The following LCA5 variants were observed in gnomAD, a reference collection of about 807,000 sequenced individuals.
LCA5 encodes lebercilin.
In LCA5, 37 loss-of-function variants were observed where a neutral mutation model predicts 53.0. That is an observed-to-expected ratio of 0.70 (90% CI 0.54 to 0.92). The LOEUF is 0.92. Among genes scored for constraint, LCA5 ranks in the 40% least tolerant of loss-of-function variants. The pLI is 0.00. For synonymous variants in LCA5, 303 were observed against 282.9 expected (o/e 1.07, Z -0.71); for missense variants, 806 against 790.5 (o/e 1.02, Z -0.23).
In LCA5 at chr6:79,492,566, C is replaced by T. The variant is rs1391512618; in HGVS notation, c.940G>A (p.Ala314Thr). 2.0e-6 allele frequency: 3 copies of T among 1,527,268 alleles called. No individual in the cohort carries two copies. Among genetic ancestry groups the T allele is most frequent in the South Asian group, 2.3e-5 (2 of 86,028 alleles). 94.6% of individuals were successfully genotyped at this position (1,527,268 alleles called of 1,614,324 possible). A position where few individuals can be genotyped will look rare whatever the true frequency, so the allele number is the denominator to read the frequency against. The change falls in exon 5 of 8, where the codon GCA (alanine) becomes ACA (threonine). Residue 314 changes from alanine (A) to threonine (T), a missense_variant. Transcript: ENST00000369846. ...TTTACCATACCATTTTTTCTTAATG[C>T]AAGTTCTTTCTCTTTATTTGGAGAG... ...KSSPNKEKEL[A>T]LRKNAACQSD...
At chr6:79,517,453 C>T (rs1766471898) in intron 2 of LCA5, among the ~76,000 whole-genome samples, 1 of 151,940 alleles carries the variant, frequency 6.6e-6, no homozygotes, top group Admixed American at 6.6e-5. Flanking sequence ...AAGGTTCAAC[C>T]TTAAGATCTG....
intron 1 of LCA5, among the ~76,000 whole-genome samples, chr6:79,531,460 A>G (rs149994928): frequency 1.1e-3 from 168 of 152,190 alleles, no homozygotes; most frequent in African/African-American, 3.9e-3. Flanking sequence ...CAATTTTCCA[A>G]TAATTTTTTG....
At chr6:79,511,292 G>A (rs1044205235) in intron 3 of LCA5, among the ~76,000 whole-genome samples, 1 of 152,118 alleles carries the variant, frequency 6.6e-6, no homozygotes, top group African/African-American at 2.4e-5. Context: ...CCATACCATG[G>A]AATACTCAGG....
rs190686526 is a variant in LCA5, at chr6:79,522,497, T to C, written c.-191-3412A>G. On this transcript the variant is annotated intron_variant, in intron 1 of 7. Coordinates refer to ENST00000369846, the MANE Select transcript of LCA5 (RefSeq NM_001122769.3). ...AAGCAATCAGAAAAAATCCAGACTG[T>C]AGCAAACTCTACAGGAAAAACTAGA... 2.5e-3 allele frequency among the ~76,000 whole-genome samples: 385 copies of C among 152,030 alleles called. 4 individuals are homozygous for C. Among genetic ancestry groups the C allele is most frequent in the Non-Finnish European group, 1.7e-3 (118 of 67,992 alleles).
intron 3 of LCA5, 125 bp downstream of exon 3, chr6:79,513,087 G>C (rs11757993): frequency 0.17 from 157,624 of 920,028 alleles, 14,315 homozygotes; most frequent in East Asian, 0.22. Context: ...TCCCAAAACA[G>C]TACTAAAAAT....
At chr6:79,538,758 C>T (rs1054076814), upstream of LCA5, among the ~76,000 whole-genome samples, 4 of 152,188 alleles carry the variant, frequency 2.6e-5, no homozygotes, top group East Asian at 7.7e-4. Context: ...TGAAGGAGAG[C>T]TGAGAATGAA....
chr6:79,525,835 C>T (rs980694715), intron 1 of LCA5, among the ~76,000 whole-genome samples: 14 of 152,152 alleles, frequency 9.2e-5, no homozygotes, highest in Admixed American at 3.3e-4. Flanking sequence ...GAGCCACAAG[C>T]CGGAGCAGAC....
At chr6:79,492,683 C>A (rs1192453234) in intron 4 of LCA5, 36 bp from the exon 5 acceptor site, 2 of 1,106,080 alleles carry the variant, frequency 1.8e-6, no homozygotes, top group African/African-American at 3.1e-5. Flanking sequence ...GGAAGTAGAG[C>A]CTCTGCTTAA....
chr6:79,494,139 C>A (rs1200186702), intron 3 of LCA5, among the ~76,000 whole-genome samples: 1 of 151,906 alleles, frequency 6.6e-6, no homozygotes, highest in African/African-American at 2.4e-5. Flanking sequence ...CCTGAGTAGT[C>A]CCGGCTACTC....
In LCA5 at chr6:79,491,690, T is replaced by C; in HGVS notation, c.996A>G (p.Gly332=). The C allele has an allele frequency of 6.2e-7, 1 of 1,613,108 alleles. No individual in the cohort carries two copies. The highest frequency in any genetic ancestry group is 8.5e-7 in the Non-Finnish European group (1 of 1,179,260). ...QSDFADLCTK[G]VQTMEDFKPE... is the part of the protein sequence containing the mutation. ...GCTTGAAGTCTTCCATGGTTTGTAC[T>C]CCTTTTGTACACAGGTCTGCAAAAT... Residue 332 remains glycine (G), a synonymous_variant, in exon 6 of 8, where the codon GGA becomes GGG. Transcript: ENST00000369846.
intron 1 of LCA5, 86 bp downstream of exon 1, chr6:79,537,079 C>CCTTCA (rs2127694098): frequency 6.5e-6 from 1 of 153,330 alleles, no homozygotes; most frequent in East Asian, 1.9e-4. Context: ...CACGAACGCC[C>CCTTCA]CTTCACTAGC....
At chr6:79,489,982 G>A (rs1769792274) in intron 6 of LCA5, among the ~76,000 whole-genome samples, 1 of 152,004 alleles carries the variant, frequency 6.6e-6, no homozygotes, top group Admixed American at 6.6e-5. Flanking sequence ...CCATTTCCTT[G>A]TTGCCCTTTC....
chr6:79,523,283 T>A (rs1256622198), intron 1 of LCA5, among the ~76,000 whole-genome samples: 5 of 152,120 alleles, frequency 3.3e-5, no homozygotes, highest in African/African-American at 1.2e-4. Context: ...TCAGCCTGAA[T>A]CTTTCACTCT....
chr6:79,486,857 A>T lies in LCA5; in HGVS notation c.*147T>A. 1.5e-6 allele frequency: 1 copy of T among 672,528 alleles called. No individual in the cohort carries two copies. The highest frequency in any genetic ancestry group is 2.4e-6 in the Non-Finnish European group (1 of 410,876). 41.7% of individuals were successfully genotyped at this position (672,528 alleles called of 1,614,324 possible). On this transcript the variant is annotated 3_prime_UTR_variant, in exon 8 of 8. Transcript: ENST00000369846. ...TATCTATGTGGTGTATGTATGATCT[A>T]CTTCTTTTTAACTGCATTGTATTTA...
intron 3 of LCA5, among the ~76,000 whole-genome samples, chr6:79,505,134 GGT>G (rs1303135877): frequency 6.6e-6 from 1 of 152,066 alleles, no homozygotes; most frequent in Non-Finnish European, 1.5e-5. Flanking sequence ...TCAATGGGAA[GGT>G]TATCTTAGAT....
intron 3 of LCA5, among the ~76,000 whole-genome samples, chr6:79,498,928 T>C (rs1402095797): frequency 2.0e-5 from 3 of 152,112 alleles, no homozygotes; most frequent in Admixed American, 6.6e-5. Context: ...ATGTCAATAG[T>C]GGAAAAATAA....
chr6:79,508,144 C>G (rs1770318119), intron 3 of LCA5, among the ~76,000 whole-genome samples: 1 of 152,092 alleles, frequency 6.6e-6, no homozygotes, highest in African/African-American at 2.4e-5. Flanking sequence ...GTACGGAGCT[C>G]AGGAAGTTTA....
intron 1 of LCA5, among the ~76,000 whole-genome samples, chr6:79,528,803 C>A (rs1766869207): frequency 2.0e-5 from 3 of 152,100 alleles, no homozygotes; most frequent in Admixed American, 2.0e-4. Flanking sequence ...AGCCAAATGG[C>A]CTGAGAAAAC....
chr6:79,494,163 G>C (rs536841540), intron 3 of LCA5, among the ~76,000 whole-genome samples: 3 of 151,790 alleles, frequency 2.0e-5, no homozygotes, highest in Non-Finnish European at 4.4e-5. Flanking sequence ...AGGGTGAGGC[G>C]GGAAGATCAC....
Sources: allele counts gnomAD v4.1 joint callset (sites outside exome capture counted in the v4.1 genomes callset), GRCh38; gene constraint gnomAD v4.1.1; transcripts MANE v1.5; gene names NCBI Gene and HGNC (gene_info 2026-07-23, HGNC 2026-07-21).